SV2C: variants seen among roughly 807,000 people sequenced by gnomAD.
The protein encoded by SV2C is solute carrier family 22 member B3.
SV2C carries 49 observed loss-of-function variants against 79.7 expected under a neutral mutation model. The ratio of observed to expected loss-of-function variants is 0.61; its 90% CI spans 0.49 to 0.78. The LOEUF (loss-of-function observed/expected upper bound fraction) is 0.78. SV2C is among the 30% of genes least tolerant of loss of function. The pLI is 0.00. For missense variants in SV2C, 833 were observed against 912.9 expected, an observed-to-expected ratio of 0.91 and a Z score of 1.13; for synonymous variants, 334 against 333.2, an observed-to-expected ratio of 1.00 and a Z score of -0.03.
the SV2C span, among the ~76,000 whole-genome samples, chr5:75,998,170 A>G: frequency 6.6e-6 from 1 of 152,082 alleles, no homozygotes; most frequent in Admixed American, 6.6e-5. Flanking sequence ...GAAGGGGAAC[A>G]TCACACACCG....
the SV2C span, among the ~76,000 whole-genome samples, chr5:76,018,030 G>A: frequency 2.0e-5 from 3 of 152,232 alleles, no homozygotes; most frequent in South Asian, 4.1e-4. Context: ...TAGAGTCCTG[G>A]TTGTGGCAGT....
At chr5:76,037,505 G>A in the SV2C span, among the ~76,000 whole-genome samples, 4 of 152,278 alleles carry the variant, frequency 2.6e-5, no homozygotes, top group East Asian at 7.7e-4. Context: ...GTACCCGGCC[G>A]TGTGAGGTGT....
the SV2C span, among the ~76,000 whole-genome samples, chr5:76,035,035 T>C: frequency 6.6e-6 from 1 of 152,178 alleles, no homozygotes; most frequent in African/African-American, 2.4e-5. Flanking sequence ...TTTATTTGCG[T>C]AGAGGTGTTT....
intron 2 of SV2C, among the ~76,000 whole-genome samples, chr5:76,187,811 G>A (rs1042611881): frequency 6.6e-6 from 1 of 150,990 alleles, no homozygotes; most frequent in Non-Finnish European, 1.5e-5. Context: ...GCTGTTTCAG[G>A]TATCTTCTTT....
intron 6 of SV2C, chr5:76,286,926 C>T (rs1326498165): frequency 1.3e-5 from 2 of 152,142 alleles, no homozygotes; most frequent in African/African-American, 4.8e-5. Flanking sequence ...CCACTGGGTC[C>T]CTCCCACAAC....
chr5:76,346,587 TTTATG>T (rs1392884965), intron 12 of SV2C, among the ~76,000 whole-genome samples: 15 of 152,220 alleles, frequency 9.9e-5, no homozygotes, highest in African/African-American at 3.1e-4. Context: ...CGGTCAGTAC[TTTATG>T]TTATTTCATT....
intron 12 of SV2C, among the ~76,000 whole-genome samples, chr5:76,321,838 CTT>C (rs1214510748): frequency 6.6e-6 from 1 of 150,962 alleles, no homozygotes; most frequent in African/African-American, 2.4e-5. Context: ...TAAAAAATGT[CTT>C]AAGAAGTGGG....
intron 1 of SV2C, among the ~76,000 whole-genome samples, chr5:76,129,609 G>C (rs1280670047): frequency 6.6e-6 from 1 of 152,172 alleles, no homozygotes; most frequent in Non-Finnish European, 1.5e-5. Context: ...GCCTCTTACA[G>C]AGGTGGCTCC....
At chr5:76,348,243 C>T (rs1324845627) in intron 12 of SV2C, among the ~76,000 whole-genome samples, 1 of 152,112 alleles carries the variant, frequency 6.6e-6, no homozygotes, top group Non-Finnish European at 1.5e-5. Flanking sequence ...GCATATTACT[C>T]CATGTATATT....
At chr5:76,044,612 G>A in the SV2C span, among the ~76,000 whole-genome samples, 3 of 152,144 alleles carry the variant, frequency 2.0e-5, no homozygotes, top group Non-Finnish European at 4.4e-5. Context: ...TCTAACTGAT[G>A]TGAGATGGTA....
chr5:76,044,206 C>T, the SV2C span, among the ~76,000 whole-genome samples: 1 of 152,158 alleles, frequency 6.6e-6, no homozygotes, highest in Non-Finnish European at 1.5e-5. Flanking sequence ...TAATGGCTTC[C>T]AGCTCTATCC....
At chr5:75,957,570 C>A in the SV2C span, among the ~76,000 whole-genome samples, 2 of 152,008 alleles carry the variant, frequency 1.3e-5, no homozygotes, top group Non-Finnish European at 2.9e-5. Flanking sequence ...GCTATACTAA[C>A]TTTTCTGCTC....
the SV2C span, among the ~76,000 whole-genome samples, chr5:75,993,186 ATAAT>A: frequency 2.0e-5 from 3 of 152,132 alleles, no homozygotes; most frequent in Admixed American, 2.0e-4. Flanking sequence ...ATACTAAATA[ATAAT>A]TTTACTATTT....
chr5:76,051,534 T>A, the SV2C span, among the ~76,000 whole-genome samples: 2 of 152,232 alleles, frequency 1.3e-5, no homozygotes, highest in Admixed American at 6.5e-5. Context: ...AATTATTATG[T>A]ATTCTATTAA....
intron 1 of SV2C, among the ~76,000 whole-genome samples, chr5:76,127,926 C>A (rs1407405588): frequency 2.6e-5 from 4 of 152,158 alleles, no homozygotes. Context: ...TCCCTCCCGC[C>A]CTGCTCCCTG....
chr5:76,352,592 G>T (rs1479037086), intron 12 of SV2C, among the ~76,000 whole-genome samples: 1 of 152,146 alleles, frequency 6.6e-6, no homozygotes, highest in Admixed American at 6.6e-5. Flanking sequence ...ACCAGATGCT[G>T]GTCCCTTGGA....
At chr5:76,057,306 G>A in the SV2C span, among the ~76,000 whole-genome samples, 2 of 151,972 alleles carry the variant, frequency 1.3e-5, no homozygotes, top group Non-Finnish European at 2.9e-5. Flanking sequence ...GTATACATGT[G>A]CTATGTTGGT....
intron 4 of SV2C, among the ~76,000 whole-genome samples, chr5:76,221,635 T>C (rs893176559): frequency 2.0e-5 from 3 of 152,132 alleles, no homozygotes; most frequent in Non-Finnish European, 4.4e-5. Context: ...CTGTGGCCTT[T>C]CTATTTGGTT....
the SV2C span, among the ~76,000 whole-genome samples, chr5:76,001,014 A>AG: frequency 1.4e-4 from 22 of 152,144 alleles, no homozygotes; most frequent in Admixed American, 9.2e-4. Flanking sequence ...ATTAAAAAAA[A>AG]AAAAAAAACT....
Sources: gnomAD v4.1 joint callset for allele counts (sites outside exome capture counted in the v4.1 genomes callset) on GRCh38, gnomAD v4.1.1 for gene constraint, MANE v1.5 for transcripts, NCBI Gene and HGNC (gene_info 2026-07-23, HGNC 2026-07-21) for gene names.